MAN1A2: variants seen among roughly 807,000 people sequenced by gnomAD.
The protein encoded by MAN1A2 is mannosyl-oligosaccharide 1,2-alpha-mannosidase IB.
MAN1A2 carries 26 observed loss-of-function variants against 75.7 expected under a neutral mutation model. That is an observed-to-expected ratio of 0.34 (90% CI 0.25 to 0.48). The LOEUF (loss-of-function observed/expected upper bound fraction) is 0.48, where lower values mean the gene tolerates loss of function less well. Among genes scored for constraint, MAN1A2 ranks in the 20% least tolerant of loss-of-function variants. The pLI, the probability that MAN1A2 is intolerant of heterozygous loss-of-function variation, is 0.99. For missense variants in MAN1A2, 562 were observed against 775.5 expected (o/e 0.72, Z 3.27); for synonymous variants, 247 against 264.6 (o/e 0.93, Z 0.65).
intron 4 of MAN1A2, among the ~76,000 whole-genome samples, chr1:117,419,175 CT>C (rs11355628): frequency 0.79 from 119,809 of 151,984 alleles, 47,739 homozygotes; most frequent in African/African-American, 0.9. Context: ...TCATTTTACT[CT>C]TGAGTGTTAT....
chr1:117,447,988 T>C (rs1649293367), intron 6 of MAN1A2, among the ~76,000 whole-genome samples: 1 of 152,192 alleles, frequency 6.6e-6, no homozygotes, highest in Non-Finnish European at 1.5e-5. Context: ...GAAATAGCAT[T>C]GAATCTATAA....
chr1:117,469,254 TGTGAAAAATAATGAA>T (rs1387707605), intron 8 of MAN1A2, among the ~76,000 whole-genome samples: 3 of 152,092 alleles, frequency 2.0e-5, no homozygotes, highest in Admixed American at 2.0e-4. Context: ...TGGATAGCCA[TGTGAAAAATAATGAA>T]GTTGAACCCT....
At chr1:117,431,092 G>A (rs1256846377) in intron 5 of MAN1A2, among the ~76,000 whole-genome samples, 1 of 138,770 alleles carries the variant, frequency 7.2e-6, no homozygotes, top group African/African-American at 2.7e-5. Context: ...GCAGGCATTC[G>A]GCAGACTGAG....
intron 2 of MAN1A2, among the ~76,000 whole-genome samples, chr1:117,405,143 A>G (rs1647572437): frequency 6.6e-6 from 1 of 152,230 alleles, no homozygotes; most frequent in South Asian, 2.1e-4. Flanking sequence ...GTAACAGCAG[A>G]GTTAGTTTGT....
At chr1:117,430,251 C>CG (rs1229904475) in intron 5 of MAN1A2, among the ~76,000 whole-genome samples, 2 of 129,664 alleles carry the variant, frequency 1.5e-5, no homozygotes, top group African/African-American at 3.1e-5. Context: ...GCTGGCCAGG[C>CG]GGGGGGCTGA....
intron 6 of MAN1A2, among the ~76,000 whole-genome samples, chr1:117,456,149 AATTATGTTT>A (rs1649574803): frequency 6.6e-6 from 1 of 152,068 alleles, no homozygotes; most frequent in South Asian, 2.1e-4. Flanking sequence ...ACATCTACAA[AATTATGTTT>A]ATCACGGCGT....
At position 117,404,573 on chromosome 1, in the gene MAN1A2, A is replaced by T. The variant is rs182040644; in HGVS notation, c.559-976A>T. On this transcript the variant is annotated intron_variant, in intron 2 of 12. Coordinates refer to ENST00000356554, the MANE Select transcript of MAN1A2 (RefSeq NM_006699.5). The stretch of plus-strand genomic sequence containing the variant: ...GCAGAGAGCCATTATCAGCTCCAGG[A>T]TTATATATTACATAGACCATCAGAT... Among the ~76,000 whole-genome samples, 290 of 152,206 alleles carry T rather than the reference A, an allele frequency of 1.9e-3. 1 individual carries two copies. Among genetic ancestry groups the T allele is most frequent in the African/African-American group, 6.9e-3 (285 of 41,532 alleles).
intron 12 of MAN1A2, among the ~76,000 whole-genome samples, chr1:117,506,807 A>G (rs561790034): frequency 1.3e-5 from 2 of 151,498 alleles, no homozygotes; most frequent in Non-Finnish European, 1.5e-5. Context: ...TATAAAGTAG[A>G]CCATGGGATA....
intron 6 of MAN1A2, among the ~76,000 whole-genome samples, chr1:117,445,273 A>G (rs957717580): frequency 2.6e-5 from 4 of 152,106 alleles, no homozygotes; most frequent in Non-Finnish European, 5.9e-5. Context: ...ATACCCTTTG[A>G]AATTATATGA....
chr1:117,496,794 G>C lies in MAN1A2; in HGVS notation c.1316G>C (p.Arg439Pro). Residue 439 changes from arginine to proline, a missense_variant, in exon 10 of 13, where the codon CGT (arginine) becomes CCT (proline). Physicochemically the swap from Arg to Pro is moderately radical, Grantham distance 103 (BLOSUM62 -2). Transcript: ENST00000356554. ...AIEKHLIKKSRGGLTFIGEWK... is the reference protein window; with the variant it reads ...AIEKHLIKKSPGGLTFIGEWK... ...GAAAAACATCTTATTAAGAAGTCTC[G>C]TGGAGGTCTTACCTTTATTGGAGAA... The C allele has an allele frequency of 6.2e-7, 1 of 1,612,084 alleles. No individual in the cohort carries two copies. Among genetic ancestry groups the C allele is most frequent in the South Asian group, 1.1e-5 (1 of 90,962 alleles).
chr1:117,514,073 G>A (rs985745412), intron 12 of MAN1A2, among the ~76,000 whole-genome samples: 13 of 152,122 alleles, frequency 8.5e-5, no homozygotes, highest in South Asian at 8.3e-4. Flanking sequence ...ATGTTTGGAA[G>A]TTTTACAGGC....
chr1:117,394,491 T>C (rs560445241), intron 1 of MAN1A2, among the ~76,000 whole-genome samples: 2 of 152,338 alleles, frequency 1.3e-5, no homozygotes, highest in East Asian at 3.9e-4. Flanking sequence ...GAATTACTTT[T>C]GTAGTTTATC....
intron 1 of MAN1A2, among the ~76,000 whole-genome samples, chr1:117,395,494 T>G (rs1653875528): frequency 6.6e-6 from 1 of 152,206 alleles, no homozygotes; most frequent in African/African-American, 2.4e-5. Flanking sequence ...GCCATTGCCT[T>G]GTACATCTAA....
intron 8 of MAN1A2, among the ~76,000 whole-genome samples, chr1:117,492,133 T>G (rs1030663385): frequency 6.6e-6 from 1 of 152,056 alleles, no homozygotes; most frequent in East Asian, 1.9e-4. Context: ...TTTGAAAGAA[T>G]TTTTACTGTG....
At chr1:117,487,924 ATAATC>A (rs1251373883) in intron 8 of MAN1A2, among the ~76,000 whole-genome samples, 2 of 152,076 alleles carry the variant, frequency 1.3e-5, no homozygotes, top group African/African-American at 4.8e-5. Context: ...GCTTCTAACT[ATAATC>A]TATTGTATAA....
Position 117,503,469 on chromosome 1 carries a change from A to G in MAN1A2, c.1793+499A>G, listed in dbSNP as rs563668249. ...ACCCGATGAGCCTTACTGTAAAGAT[A>G]CACATAAAAGGAACAATGGAAAAGA... On this transcript the variant is annotated intron_variant, in intron 12 of 12. Coordinates refer to ENST00000356554, the MANE Select transcript of MAN1A2 (RefSeq NM_006699.5). Among the ~76,000 whole-genome samples, 250 of 151,634 alleles carry G rather than the reference A, an allele frequency of 1.6e-3. 1 individual carries two copies. Among genetic ancestry groups the G allele is most frequent in the African/African-American group, 5.9e-3 (243 of 41,492 alleles).
intron 8 of MAN1A2, among the ~76,000 whole-genome samples, chr1:117,471,399 A>G (rs1650147302): frequency 6.6e-6 from 1 of 151,978 alleles, no homozygotes; most frequent in African/African-American, 2.4e-5. Context: ...CTTCTGTTAG[A>G]AACCTGCCAT....
rs1022390529 is a variant in MAN1A2 at position 117,367,779 on chromosome 1, A to T, written c.-405A>T. 24 of 171,142 alleles carry T rather than the reference A, an allele frequency of 1.4e-4. No homozygotes were observed. The highest frequency in any genetic ancestry group is 5.7e-4 in the African/African-American group (24 of 41,832). The allele number at this position is 171,142 out of a possible 1,614,324, so 10.6% of individuals were successfully genotyped here. On this transcript the variant is annotated 5_prime_UTR_variant, in exon 1 of 13. Coordinates refer to ENST00000356554, the MANE Select transcript of MAN1A2 (RefSeq NM_006699.5). ...AAGGAGATCAAGTGAACCTTCTACA[A>T]CTCCTCGGATGTCGCCAGTCTCCCT...
At chr1:117,513,231 G>T (rs1406074375) in intron 12 of MAN1A2, among the ~76,000 whole-genome samples, 1 of 152,080 alleles carries the variant, frequency 6.6e-6, no homozygotes, top group Non-Finnish European at 1.5e-5. Flanking sequence ...TGTTTAAGGG[G>T]TATAGAGTTT....
Sources: gnomAD v4.1 joint callset for allele counts (sites outside exome capture counted in the v4.1 genomes callset) on GRCh38, gnomAD v4.1.1 for gene constraint, MANE v1.5 for transcripts, NCBI Gene and HGNC (gene_info 2026-07-23, HGNC 2026-07-21) for gene names.